Variants in SCD5 observed in about 807,000 individuals in gnomAD.
SCD5 encodes stearoyl-CoA desaturase 5, also known as acyl-CoA-desaturase 4.
A neutral mutation model predicts 30.4 loss-of-function variants in SCD5; 20 were observed. The ratio of observed to expected loss-of-function variants is 0.66; its 90% CI spans 0.46 to 0.96. SCD5 has a LOEUF of 0.96. Ranked by LOEUF, SCD5 falls within the 40% of genes least tolerant of loss-of-function variation. The pLI is 0.00. For synonymous variants in SCD5, 173 were observed against 176.4 expected (o/e 0.98, Z 0.16); for missense variants, 381 against 443.3 (o/e 0.86, Z 1.26).
chr4:82,740,351 G>A (rs149897307), intron 1 of SCD5, among the ~76,000 whole-genome samples: 520 of 152,320 alleles, frequency 3.4e-3, no homozygotes, highest in Middle Eastern at 0.017. Context: ...AAAGTCAGAG[G>A]GGAGAAAGGA....
At position 82,753,367 on chromosome 4, in the gene SCD5, G is replaced by A. The variant is rs149186367; in HGVS notation, c.232+44939C>T. 7.0e-4 allele frequency: 375 copies of A among 533,416 alleles called. 4 individuals carry two copies. Among genetic ancestry groups the A allele is most frequent in the African/African-American group, 6.2e-3 (324 of 52,038 alleles). The allele number at this position is 533,416 out of a possible 1,614,324, so 33.0% of individuals were successfully genotyped here. On this transcript the variant is annotated intron_variant, in intron 1 of 4. Transcript: ENST00000319540. Reference sequence around the variant, plus strand: ...GAGTGGCACTGCTCCTGTCCAACTGGCTCATTGTGCAGACAGCCTGAGTAG... The same window carrying A: ...GAGTGGCACTGCTCCTGTCCAACTGACTCATTGTGCAGACAGCCTGAGTAG...
chr4:82,679,230 A>AAGAAAAAAAGAG (rs1728504952), intron 3 of SCD5, among the ~76,000 whole-genome samples: 1 of 33,994 alleles, frequency 2.9e-5, no homozygotes, highest in Non-Finnish European at 6.6e-5. Context: ...AAAAGAAAGA[A>AAGAAAAAAAGAG]AGAAAGAAAG....
chr4:82,727,910 G>A (rs1720541695), intron 1 of SCD5, among the ~76,000 whole-genome samples: 1 of 152,106 alleles, frequency 6.6e-6, no homozygotes, highest in Non-Finnish European at 1.5e-5. Context: ...GTTTCACCAT[G>A]TTGGCCAGGC....
chr4:82,772,077 A>T (rs1721636576), intron 1 of SCD5, among the ~76,000 whole-genome samples: 2 of 152,160 alleles, frequency 1.3e-5, no homozygotes, highest in Non-Finnish European at 2.9e-5. Context: ...GGGATATAAT[A>T]AAAAAAATTT....
chr4:82,693,234 C>T lies in SCD5; in HGVS notation c.363+12049G>A, dbSNP rs577563630. Among the ~76,000 whole-genome samples, 6 of 152,276 alleles carry T rather than the reference C, an allele frequency of 3.9e-5. No homozygotes were observed. In the East Asian group the frequency reaches 7.7e-4, roughly 20 times the overall value. On this transcript the variant is annotated intron_variant, in intron 2 of 4. Transcript: ENST00000319540. ...TGCCTCCTGATACTCAGCTCCGGTG[C>T]CTTTGACCTTGCCCAGCAGTGGGGT...
At chr4:82,689,382 G>GT (rs1019690806) in intron 2 of SCD5, among the ~76,000 whole-genome samples, 21 of 151,752 alleles carry the variant, frequency 1.4e-4, no homozygotes, top group Non-Finnish European at 2.8e-4. Flanking sequence ...AAAAGAAAGA[G>GT]TTTTTTCTAA....
At chr4:82,631,698 A>G (rs1022808216) in intron 4 of SCD5, among the ~76,000 whole-genome samples, 181 bp from the exon 5 acceptor site, 2 of 152,228 alleles carry the variant, frequency 1.3e-5, no homozygotes, top group Admixed American at 1.3e-4. Context: ...AACAATATGA[A>G]CAGAAAAAAT....
In SCD5 at chr4:82,725,555, A is replaced by T. The variant is rs569740179; in HGVS notation, c.233-20142T>A. Among the ~76,000 whole-genome samples, 7 of 118,026 alleles carry T rather than the reference A, an allele frequency of 5.9e-5. No individual in the cohort carries two copies. In the South Asian group the frequency reaches 7.1e-4, roughly 12 times the overall value. 77.4% of individuals were successfully genotyped at this position (118,026 alleles called of 152,430 possible). A position where few individuals can be genotyped will look rare whatever the true frequency, so the allele number is the denominator to read the frequency against. ...TCACCCATGGACATTCTAAAACGTGATTCCTTTAGAAAATAAAGCCTGGAC... is the reference window on the plus strand; with the variant it reads ...TCACCCATGGACATTCTAAAACGTGTTTCCTTTAGAAAATAAAGCCTGGAC... On this transcript the variant is annotated intron_variant, in intron 1 of 4. Transcript: ENST00000319540.
At chr4:82,734,555 C>A (rs1401659083) in intron 1 of SCD5, among the ~76,000 whole-genome samples, 2 of 152,118 alleles carry the variant, frequency 1.3e-5, no homozygotes, top group Admixed American at 1.3e-4. Flanking sequence ...TTTTTTCTGT[C>A]CTTGATGTTT....
chr4:82,725,737 G>A (rs1318350079), intron 1 of SCD5, among the ~76,000 whole-genome samples: 2 of 152,112 alleles, frequency 1.3e-5, no homozygotes, highest in Non-Finnish European at 2.9e-5. Context: ...GTATGTGCCT[G>A]TAGTCCCAGC....
chr4:82,739,627 G>A (rs1009756805), intron 1 of SCD5, among the ~76,000 whole-genome samples: 2 of 152,194 alleles, frequency 1.3e-5, no homozygotes, highest in African/African-American at 4.8e-5. Context: ...AGTATCTATT[G>A]CCATGTGTGT....
chr4:82,667,539 G>C (rs999806179), intron 3 of SCD5, among the ~76,000 whole-genome samples: 2 of 152,024 alleles, frequency 1.3e-5, no homozygotes, highest in Non-Finnish European at 2.9e-5. Flanking sequence ...TCAGCTGTTT[G>C]GCTACAACAA....
At chr4:82,660,554 A>G (rs2148816674) in intron 3 of SCD5, 1 of 1,169,678 alleles carries the variant, frequency 8.5e-7, no homozygotes, top group Non-Finnish European at 1.1e-6. Flanking sequence ...CATCTCCTCC[A>G]TACTTTCACA....
chr4:82,759,561 T>A (rs1404818564), intron 1 of SCD5, among the ~76,000 whole-genome samples: 2 of 150,644 alleles, frequency 1.3e-5, no homozygotes, highest in Non-Finnish European at 2.9e-5. Context: ...CAGCACTTAG[T>A]CCCAGCTGCT....
chr4:82,651,759 C>G (rs1034380659), intron 3 of SCD5, among the ~76,000 whole-genome samples: 4 of 151,846 alleles, frequency 2.6e-5, no homozygotes, highest in African/African-American at 9.7e-5. Flanking sequence ...ACAAAAAATA[C>G]AAAATCAGCC....
intron 1 of SCD5, among the ~76,000 whole-genome samples, chr4:82,763,459 G>A (rs568560014): frequency 3.9e-5 from 6 of 152,192 alleles, no homozygotes; most frequent in East Asian, 3.9e-4. Context: ...TGCAGTGAGC[G>A]GAGATCGTGC....
intron 2 of SCD5, among the ~76,000 whole-genome samples, chr4:82,691,435 G>A (rs561250080): frequency 2.0e-5 from 3 of 152,302 alleles, no homozygotes; most frequent in East Asian, 3.9e-4. Flanking sequence ...TGGAACAATC[G>A]AGGAACTAAG....
intron 1 of SCD5, among the ~76,000 whole-genome samples, chr4:82,726,924 A>G (rs1276615518): frequency 6.6e-6 from 1 of 152,034 alleles, no homozygotes; most frequent in African/African-American, 2.4e-5. Flanking sequence ...TCTCCTCTAC[A>G]TTTTCTAAGT....
Position 82,691,400 on chromosome 4 carries a change from AT to A in SCD5, c.364-10489del, listed in dbSNP as rs554401563. Among the ~76,000 whole-genome samples, 34 of 152,244 alleles carry A rather than the reference AT, an allele frequency of 2.2e-4. No homozygotes were observed. In the South Asian group the frequency reaches 4.4e-3, roughly 20 times the overall value. Reference sequence around the variant, plus strand: ...GTGGAAGTGTGGGAGGGAGAGGGGAATTGTCTCAGGTAGAGGGAAGGACTTG... The same window carrying A: ...GTGGAAGTGTGGGAGGGAGAGGGGAATGTCTCAGGTAGAGGGAAGGACTTG... On this transcript the variant is annotated intron_variant, in intron 2 of 4. Transcript: ENST00000319540.
Sources: allele counts gnomAD v4.1 joint callset (sites outside exome capture counted in the v4.1 genomes callset), GRCh38; gene constraint gnomAD v4.1.1; transcripts MANE v1.5; gene names NCBI Gene and HGNC (gene_info 2026-07-23, HGNC 2026-07-21).